Variants in KDM1A observed in about 807,000 individuals in gnomAD.
KDM1A encodes lysine demethylase 1A.
A neutral mutation model predicts 109.4 loss-of-function variants in KDM1A; 49 were observed. The ratio of observed to expected loss-of-function variants is 0.45; its 90% CI spans 0.36 to 0.57. The LOEUF (loss-of-function observed/expected upper bound fraction) is 0.57, where lower values mean the gene tolerates loss of function less well. Ranked by LOEUF, KDM1A falls within the 20% of genes least tolerant of loss-of-function variation. KDM1A has a pLI of 0.00. For missense variants in KDM1A, 668 were observed against 1,116.6 expected, an observed-to-expected ratio of 0.60 and a Z score of 5.73; for synonymous variants, 380 against 415.4, an observed-to-expected ratio of 0.91 and a Z score of 1.04.
Position 23,019,502 on chromosome 1 carries a change from C to T in KDM1A, c.-95C>T, listed in dbSNP as rs1045432500. ...GTACGCGACGGCGGTTGGCGGCGCG[C>T]GGGCAGCGTGAAGCGAGGCGAGGCA... On this transcript the variant is annotated 5_prime_UTR_variant, in exon 1 of 21. Transcript: ENST00000400181. 2.5e-4 allele frequency: 326 copies of T among 1,300,402 alleles called. 1 individual carries two copies. The highest frequency in any genetic ancestry group is 2.9e-4 in the Non-Finnish European group (302 of 1,024,948). 80.6% of individuals were successfully genotyped at this position (1,300,402 alleles called of 1,614,324 possible). A position where few individuals can be genotyped will look rare whatever the true frequency, so the allele number is the denominator to read the frequency against.
rs1330632345 is a variant in KDM1A at position 23,081,312 on chromosome 1, C to G, written c.2171-134C>G. 5 of 994,654 alleles carry G rather than the reference C, an allele frequency of 5.0e-6. No individual in the cohort carries two copies. The African/African-American group carries it at 6.5e-5, about 13-fold the overall frequency. The allele number at this position is 994,654 out of a possible 1,614,324, so 61.6% of individuals were successfully genotyped here. ...GCTGTTTCAGAAACATAATCTGTCTCTTCGCATTTGAATGGTACTGCGTGT... is the reference window on the plus strand; with the variant it reads ...GCTGTTTCAGAAACATAATCTGTCTGTTCGCATTTGAATGGTACTGCGTGT... On this transcript the variant is annotated intron_variant, in intron 18 of 20. Coordinates refer to ENST00000400181, the MANE Select transcript of KDM1A (RefSeq NM_001009999.3).
intron 9 of KDM1A, among the ~76,000 whole-genome samples, chr1:23,062,192 T>C (rs1185367216): frequency 3.9e-5 from 6 of 152,178 alleles, no homozygotes; most frequent in African/African-American, 1.4e-4. Context: ...CAGATTCCCA[T>C]ACTTGTTTGA....
In KDM1A at chr1:23,027,876, G is replaced by A. The variant is rs543750240; in HGVS notation, c.352-2593G>A. On this transcript the variant is annotated intron_variant, in intron 1 of 20. Coordinates refer to ENST00000400181, the MANE Select transcript of KDM1A (RefSeq NM_001009999.3). Reference sequence around the variant, plus strand: ...GGTTGTCTCTAAAGGATTAAGATTTGTTTTAACACATGAATGTGTAATACA... The same window carrying A: ...GGTTGTCTCTAAAGGATTAAGATTTATTTTAACACATGAATGTGTAATACA... Among the ~76,000 whole-genome samples the A allele has an allele frequency of 3.9e-5, 6 of 152,126 alleles. No individual in the cohort carries two copies. In the East Asian group the frequency reaches 1.2e-3, roughly 29 times the overall value.
At chr1:23,072,648 A>C (rs1281858793) in intron 14 of KDM1A, among the ~76,000 whole-genome samples, 1 of 151,912 alleles carries the variant, frequency 6.6e-6, no homozygotes, top group Non-Finnish European at 1.5e-5. Flanking sequence ...AATGCTACCC[A>C]CCCTTTCTTT....
At chr1:23,056,131 C>T (rs1642823906) in intron 7 of KDM1A, 93 bp downstream of exon 7, 1 of 838,088 alleles carries the variant, frequency 1.2e-6, no homozygotes, top group Non-Finnish European at 2.0e-6. Flanking sequence ...ACAACTTGAA[C>T]TAAGCTAAAT....
At chr1:23,053,058 A>G (rs1192168294) in intron 4 of KDM1A, among the ~76,000 whole-genome samples, 1 of 152,198 alleles carries the variant, frequency 6.6e-6, no homozygotes, top group African/African-American at 2.4e-5. Context: ...TAGTTGTACC[A>G]AAATGGAGAT....
intron 9 of KDM1A, among the ~76,000 whole-genome samples, chr1:23,065,195 A>G (rs569252632): frequency 3.9e-5 from 6 of 152,272 alleles, no homozygotes; most frequent in Non-Finnish European, 8.8e-5. Flanking sequence ...TTTTGTTGTT[A>G]TTGTTCCATA....
At position 23,079,746 on chromosome 1, in the gene KDM1A, T is replaced by C. The variant is rs1212270628; in HGVS notation, c.2170+79T>C. ...TGAAATATTTTGGGTTTTCTCAATATATATGCCTTAATTTCTCTCTTTATT... is the reference window on the plus strand; with the variant it reads ...TGAAATATTTTGGGTTTTCTCAATACATATGCCTTAATTTCTCTCTTTATT... On this transcript the variant is annotated intron_variant, in intron 18 of 20. Transcript: ENST00000400181. The surrounding 1 kb of genome is among the most constrained non-coding windows in gnomAD (Gnocchi z 5.6). The C allele has an allele frequency of 1.3e-6, 1 of 792,474 alleles. No individual in the cohort carries two copies. The highest frequency in any genetic ancestry group is 1.8e-5 in the African/African-American group (1 of 56,860). 49.1% of individuals were successfully genotyped at this position (792,474 alleles called of 1,614,324 possible).
chr1:23,058,589 TC>T (rs1443753839), intron 8 of KDM1A, among the ~76,000 whole-genome samples: 1 of 152,188 alleles, frequency 6.6e-6, no homozygotes, highest in African/African-American at 2.4e-5. Context: ...CTCAAGAGAT[TC>T]TTCTGCCTTA....
Position 23,059,077 on chromosome 1 carries a change from G to T in KDM1A, c.1077G>T (p.Gly359=), listed in dbSNP as rs1328502898. The T allele has an allele frequency of 1.2e-6, 2 of 1,600,384 alleles. No individual in the cohort carries two copies. Among genetic ancestry groups the T allele is most frequent in the Admixed American group, 1.8e-5 (1 of 56,516 alleles). The change falls in exon 9 of 21, where the codon GGG becomes GGT. Residue 359 remains glycine (G), a synonymous_variant. Coordinates refer to ENST00000400181, the MANE Select transcript of KDM1A (RefSeq NM_001009999.3). ...LGAMVVTGLG[G]NPMAVVSKQV... ...ATTGCTTGAGTTTTTTTCTAGGAGG[G>T]AATCCTATGGCTGTGGTCAGCAAAC... is the stretch of plus-strand genomic sequence containing the variant.
chr1:23,024,998 A>G (rs1165268555), intron 1 of KDM1A, among the ~76,000 whole-genome samples: 1 of 152,262 alleles, frequency 6.6e-6, no homozygotes, highest in Non-Finnish European at 1.5e-5. Flanking sequence ...AATTAGAAAC[A>G]GGAATCATCT....
intron 1 of KDM1A, among the ~76,000 whole-genome samples, chr1:23,026,967 G>A (rs1641824324): frequency 6.6e-6 from 1 of 151,942 alleles, no homozygotes; most frequent in Non-Finnish European, 1.5e-5. Flanking sequence ...CTTTTCTCAG[G>A]GGAATAGTTT....
chr1:23,019,531 C>CT lies in KDM1A; in HGVS notation c.-62dup, dbSNP rs997133100. The stretch of plus-strand genomic sequence containing the variant: ...CAGCGTGAAGCGAGGCGAGGCAAGG[C>CT]TTTTCGGACCCACGGAGCGACAGAG... On this transcript the variant is annotated 5_prime_UTR_variant, in exon 1 of 21. Coordinates refer to ENST00000400181, the MANE Select transcript of KDM1A (RefSeq NM_001009999.3). 9.7e-6 allele frequency: 13 copies of CT among 1,334,378 alleles called. No homozygotes were observed. The African/African-American group carries it at 1.8e-4, about 19-fold the overall frequency. 82.7% of individuals were successfully genotyped at this position (1,334,378 alleles called of 1,614,324 possible).
Position 23,083,411 on chromosome 1 carries a change from T to C in KDM1A, c.*47T>C, listed in dbSNP as rs537496809. The C allele has an allele frequency of 1.2e-5, 18 of 1,554,136 alleles. No homozygotes were observed. The highest frequency in any genetic ancestry group is 4.5e-5 in the East Asian group (2 of 44,186). On this transcript the variant is annotated 3_prime_UTR_variant, in exon 21 of 21. Coordinates refer to ENST00000400181, the MANE Select transcript of KDM1A (RefSeq NM_001009999.3). ...GAGGCCCATGTGCCTGTTTCTGCCA[T>C]GTAAGGAAGGCTCTTCTAGCAATAC...
chr1:23,071,473 A>C lies in KDM1A; in HGVS notation c.1548+114A>C. On this transcript the variant is annotated intron_variant, in intron 13 of 20. Transcript: ENST00000400181. ...GCCAATCACAAGTGCCTTCAGTGCA[A>C]TGAAGACGATTTGGTACATAAGGAG... 5.1e-6 allele frequency: 5 copies of C among 973,888 alleles called. No individual in the cohort carries two copies. The East Asian group carries it at 1.0e-4, about 20-fold the overall frequency. 60.3% of individuals were successfully genotyped at this position (973,888 alleles called of 1,614,324 possible).
chr1:23,050,277 A>T (rs1429307620), intron 3 of KDM1A, 110 bp from the exon 4 acceptor site: 13 of 1,177,112 alleles, frequency 1.1e-5, no homozygotes, highest in African/African-American at 1.6e-5. Context: ...ACAATTGAAA[A>T]TTTTTTAAAA....
intron 18 of KDM1A, 84 bp from the exon 19 acceptor site, chr1:23,081,361 AC>A: frequency 6.8e-7 from 1 of 1,475,932 alleles, no homozygotes; most frequent in Non-Finnish European, 9.4e-7. Context: ...ATTTCAGAGC[AC>A]CAGGAATAAG....
chr1:23,067,922 A>C (rs1031076960), intron 10 of KDM1A, among the ~76,000 whole-genome samples: 1 of 152,220 alleles, frequency 6.6e-6, no homozygotes. Context: ...TCATTTACTC[A>C]TAGACTCTCT....
At position 23,019,875 on chromosome 1, in the gene KDM1A, T is replaced by C; in HGVS notation, c.279T>C (p.Ser93=). 6.4e-7 allele frequency: 1 copy of C among 1,555,768 alleles called. No homozygotes were observed. The highest frequency in any genetic ancestry group is 8.7e-7 in the Non-Finnish European group (1 of 1,154,236). The stretch of plus-strand genomic sequence containing the variant: ...CCGGCCCTACTGTCGTGCCTGGGTC[T>C]GCGACCCCCATGGAAACTGGAATAG... ...PQAGPTVVPG[S]ATPMETGIAE... Residue 93 remains serine, a synonymous_variant, in exon 1 of 21, where the codon TCT becomes TCC. Transcript: ENST00000400181.
Sources: allele counts gnomAD v4.1 joint callset (sites outside exome capture counted in the v4.1 genomes callset), GRCh38; gene constraint gnomAD v4.1.1; non-coding constraint Gnocchi (gnomAD v3.1); transcripts MANE v1.5; gene names NCBI Gene and HGNC (gene_info 2026-07-23, HGNC 2026-07-21).